PRNP: variants seen among roughly 807,000 people sequenced by gnomAD.
The protein encoded by PRNP is major prion protein.
A neutral mutation model predicts 21.3 loss-of-function variants in PRNP; 15 were observed. The observed-to-expected ratio is 0.71, with a 90% CI of 0.47 to 1.09. PRNP has a LOEUF of 1.09. PRNP is among the 50% of genes least tolerant of loss of function. The probability of loss-of-function intolerance (pLI) is 0.00; values close to 1 mark genes in which losing one functional copy is unlikely to be tolerated. For synonymous variants in PRNP, 121 were observed against 123.1 expected (o/e 0.98, Z 0.11); for missense variants, 285 against 340.9 (o/e 0.84, Z 1.29).
chr20:4,694,545 T>A (rs1404680479), intron 1 of PRNP, among the ~76,000 whole-genome samples: 1 of 152,224 alleles, frequency 6.6e-6, no homozygotes, highest in Non-Finnish European at 1.5e-5. Flanking sequence ...TTTCCCCTTA[T>A]AGAGATATGT....
At chr20:4,687,428 G>A (rs1434202849) in intron 1 of PRNP, among the ~76,000 whole-genome samples, 1 of 152,226 alleles carries the variant, frequency 6.6e-6, no homozygotes, top group African/African-American at 2.4e-5. Context: ...GGGGCTCCAA[G>A]GAACAACCAG....
Position 4,701,242 on chromosome 20 carries a change from G to A in PRNP, c.*1260G>A, listed in dbSNP as rs1005981067. On this transcript the variant is annotated 3_prime_UTR_variant, in exon 2 of 2. Coordinates refer to ENST00000379440, the MANE Select transcript of PRNP (RefSeq NM_000311.5). The surrounding 1 kb of genome is among the most constrained non-coding windows in gnomAD (Gnocchi z 4.2). ...ATGTTATTATTGGCTTGCACTTTGTGAGTATTCTATGTAAAAATATATATG... is the reference window on the plus strand; with the variant it reads ...ATGTTATTATTGGCTTGCACTTTGTAAGTATTCTATGTAAAAATATATATG... The A allele has an allele frequency of 1.8e-5, 3 of 167,008 alleles. No individual in the cohort carries two copies. Among genetic ancestry groups the A allele is most frequent in the African/African-American group, 4.8e-5 (2 of 41,440 alleles). 10.3% of individuals were successfully genotyped at this position (167,008 alleles called of 1,614,324 possible). A position where few individuals can be genotyped will look rare whatever the true frequency, so the allele number is the denominator to read the frequency against.
intron 1 of PRNP, among the ~76,000 whole-genome samples, chr20:4,690,520 A>G (rs1441024257): frequency 6.6e-6 from 1 of 152,140 alleles, no homozygotes; most frequent in Non-Finnish European, 1.5e-5. Context: ...TCATGCACCA[A>G]TGCCATGTGA....
chr20:4,688,423 A>G (rs555841643), intron 1 of PRNP, among the ~76,000 whole-genome samples: 1 of 152,298 alleles, frequency 6.6e-6, no homozygotes, highest in East Asian at 1.9e-4. Flanking sequence ...GTCTGTATGT[A>G]TGAGTTATTG....
Position 4,700,545 on chromosome 20 carries a change from T to C in PRNP, c.*563T>C, listed in dbSNP as rs1327640475. 1.7e-5 allele frequency: 5 copies of C among 285,748 alleles called. No homozygotes were observed. Among genetic ancestry groups the C allele is most frequent in the Non-Finnish European group, 3.6e-5 (5 of 138,964 alleles). 17.7% of individuals were successfully genotyped at this position (285,748 alleles called of 1,614,324 possible). On this transcript the variant is annotated 3_prime_UTR_variant, in exon 2 of 2. Transcript: ENST00000379440. This position sits in a 1 kb window ranked among gnomAD's most constrained non-coding sequence, Gnocchi z 4.1. ...CCCGCTGGAGCATGAGCTCTGTGTG[T>C]ACCGAGAACTGGGGTGATGTTTTAC...
intron 1 of PRNP, among the ~76,000 whole-genome samples, chr20:4,694,156 A>T (rs567586953): frequency 7.8e-4 from 117 of 149,052 alleles, no homozygotes; most frequent in Middle Eastern, 7.1e-3. Context: ...TTTTTTCTCC[A>T]TTTCTTCTAT....
At chr20:4,691,731 G>C (rs113895209) in intron 1 of PRNP, among the ~76,000 whole-genome samples, 4 of 152,134 alleles carry the variant, frequency 2.6e-5, no homozygotes, top group Non-Finnish European at 5.9e-5. Context: ...CCATTTTCTT[G>C]TGTGTTTTTG....
chr20:4,687,579 T>C (rs191681431), intron 1 of PRNP, among the ~76,000 whole-genome samples: 2 of 144,992 alleles, frequency 1.4e-5, no homozygotes, highest in Admixed American at 6.7e-5. Context: ...GAGGTGGCTG[T>C]AGGAAATAGA....
rs1922489204 is a variant in PRNP, at chr20:4,699,951, T to A, written c.731T>A (p.Ile244Asn). ...TCCTCTCCACCTGTGATCCTCCTGA[T>A]CTCTTTCCTCATCTTCCTGATAGTG... Reference protein sequence around the residue: ...LFSSPPVILLISFLIFLIVG With the variant: ...LFSSPPVILLNSFLIFLIVG The change falls in exon 2 of 2, where the codon ATC (isoleucine) becomes AAC (asparagine). Residue 244 changes from isoleucine (I) to asparagine (N), a missense_variant. Physicochemically the swap from Ile to Asn is moderately radical, Grantham distance 149. Transcript: ENST00000379440. The surrounding 1 kb of genome is among the most constrained non-coding windows in gnomAD (Gnocchi z 5.8). The A allele has an allele frequency of 6.2e-7, 1 of 1,613,432 alleles. No homozygotes were observed. Among genetic ancestry groups the A allele is most frequent in the South Asian group, 1.1e-5 (1 of 90,894 alleles).
intron 1 of PRNP, among the ~76,000 whole-genome samples, chr20:4,692,707 G>A (rs771570933): frequency 2.0e-5 from 3 of 152,098 alleles, no homozygotes; most frequent in Non-Finnish European, 4.4e-5. Context: ...CCTATTAATA[G>A]AGCTCCTGAT....
rs1366923623 is a variant in PRNP, at chr20:4,700,784, TTAAAC to T, written c.*805_*809del. 3.0e-5 allele frequency: 5 copies of T among 167,736 alleles called. No homozygotes were observed. Among genetic ancestry groups the T allele is most frequent in the Non-Finnish European group, 5.8e-5 (4 of 68,624 alleles). The allele number at this position is 167,736 out of a possible 1,614,324, so 10.4% of individuals were successfully genotyped here. A position where few individuals can be genotyped will look rare whatever the true frequency, so the allele number is the denominator to read the frequency against. The stretch of plus-strand genomic sequence containing the variant: ...GACCCTATATGTGGCATTCCTTTCT[TTAAAC>T]TATAGGTAATTAAGGCAGCTGAAAA... On this transcript the variant is annotated 3_prime_UTR_variant, in exon 2 of 2. Transcript: ENST00000379440. The surrounding 1 kb of genome is among the most constrained non-coding windows in gnomAD (Gnocchi z 4.1).
intron 1 of PRNP, among the ~76,000 whole-genome samples, chr20:4,693,704 C>T (rs1412373769): frequency 6.6e-6 from 1 of 152,130 alleles, no homozygotes; most frequent in Non-Finnish European, 1.5e-5. Context: ...GTGTCCTCAG[C>T]CCCTAGCACA....
chr20:4,699,466 A>G lies in PRNP; in HGVS notation c.246A>G (p.Gly82=), dbSNP rs62643364. The change falls in exon 2 of 2, where the codon GGA becomes GGG. Residue 82 remains glycine (G), a synonymous_variant. Transcript: ENST00000379440. The surrounding 1 kb of genome is among the most constrained non-coding windows in gnomAD (Gnocchi z 5.8). ...GWGQPHGGGW[G]QPHGGGWGQG... is the part of the protein sequence containing the mutation. ...GGCAGCCCCATGGTGGTGGCTGGGG[A>G]CAGCCTCATGGTGGTGGCTGGGGTC... The G allele has an allele frequency of 9.4e-5, 147 of 1,569,202 alleles. 1 individual carries two copies. Among genetic ancestry groups the G allele is most frequent in the African/African-American group, 4.8e-4 (24 of 50,380 alleles).
chr20:4,687,146 C>G (rs1296558615), intron 1 of PRNP, among the ~76,000 whole-genome samples: 1 of 152,174 alleles, frequency 6.6e-6, no homozygotes, highest in Admixed American at 6.5e-5. Flanking sequence ...GCGGCCCAGC[C>G]CTTCATCCTC....
Position 4,697,166 on chromosome 20 carries a change from T to G in PRNP, c.-10-2045T>G, listed in dbSNP as rs1197633522. ...TTGTCAAAAATACTATTTTGTAAAT[T>G]TATAAATATGGTTCTCTTTGTATAT... On this transcript the variant is annotated intron_variant, in intron 1 of 1. Coordinates refer to ENST00000379440, the MANE Select transcript of PRNP (RefSeq NM_000311.5). This position sits in a 1 kb window ranked among gnomAD's most constrained non-coding sequence, Gnocchi z 4.6. Among the ~76,000 whole-genome samples, 1 of 152,244 alleles carries G rather than the reference T, an allele frequency of 6.6e-6. No homozygotes were observed. The highest frequency in any genetic ancestry group is 1.5e-5 in the Non-Finnish European group (1 of 68,046).
chr20:4,699,843 G>A lies in PRNP; in HGVS notation c.623G>A (p.Arg208His), dbSNP rs74315412. The change falls in exon 2 of 2, where the codon CGC (arginine) becomes CAC (histidine). Residue 208 changes from arginine (R) to histidine (H), a missense_variant. Coordinates refer to ENST00000379440, the MANE Select transcript of PRNP (RefSeq NM_000311.5). This position sits in a 1 kb window ranked among gnomAD's most constrained non-coding sequence, Gnocchi z 5.8. ...FTETDVKMMERVVEQMCITQY... is the reference protein window; with the variant it reads ...FTETDVKMMEHVVEQMCITQY... ...GAGACCGACGTTAAGATGATGGAGC[G>A]CGTGGTTGAGCAGATGTGTATCACC... 2.4e-5 allele frequency: 39 copies of A among 1,613,720 alleles called. No individual in the cohort carries two copies. Among genetic ancestry groups the A allele is most frequent in the African/African-American group, 1.9e-4 (14 of 74,852 alleles).
At chr20:4,694,024 G>A (rs1372005803) in intron 1 of PRNP, among the ~76,000 whole-genome samples, 1 of 151,202 alleles carries the variant, frequency 6.6e-6, no homozygotes, top group Non-Finnish European at 1.5e-5. Flanking sequence ...ACTGGGTGGA[G>A]GTTGCAGAGA....
intron 1 of PRNP, among the ~76,000 whole-genome samples, chr20:4,692,174 T>C (rs1419234543): frequency 3.3e-5 from 5 of 152,232 alleles, no homozygotes; most frequent in African/African-American, 9.7e-5. Flanking sequence ...AAAAACATTG[T>C]ATGTCTTTCT....
At chr20:4,688,172 A>T (rs1921597817) in intron 1 of PRNP, among the ~76,000 whole-genome samples, 1 of 152,254 alleles carries the variant, frequency 6.6e-6, no homozygotes, top group African/African-American at 2.4e-5. Context: ...AATGCAAATT[A>T]GAGCATGTTT....
Sources: gnomAD v4.1 joint callset for allele counts (sites outside exome capture counted in the v4.1 genomes callset) on GRCh38, gnomAD v4.1.1 for gene constraint, Gnocchi (gnomAD v3.1) non-coding constraint, MANE v1.5 for transcripts, NCBI Gene and HGNC (gene_info 2026-07-23, HGNC 2026-07-21) for gene names.